The following WDPCP variants were observed in gnomAD, a reference collection of about 807,000 sequenced individuals.
The protein encoded by WDPCP is WD repeat-containing and planar cell polarity effector protein fritz homolog.
WDPCP carries 71 observed loss-of-function variants against 93.1 expected under a neutral mutation model. That is an observed-to-expected ratio of 0.76 (90% confidence interval 0.63 to 0.93). The LOEUF (loss-of-function observed/expected upper bound fraction) is 0.93. WDPCP is among the 40% of genes least tolerant of loss of function. WDPCP has a pLI of 0.00. For synonymous variants in WDPCP, 315 were observed against 315.0 expected (o/e 1.00, Z 0.00); for missense variants, 844 against 887.4 (o/e 0.95, Z 0.62).
chr2:63,264,143 A>G (rs1306460743), intron 13 of WDPCP, among the ~76,000 whole-genome samples: 2 of 152,362 alleles, frequency 1.3e-5, no homozygotes, highest in East Asian at 1.9e-4. Flanking sequence ...TATCATGGTT[A>G]TAACAGACTA....
At chr2:63,782,644 T>A (rs532973368) in intron 2 of WDPCP, among the ~76,000 whole-genome samples, 15 of 152,090 alleles carry the variant, frequency 9.9e-5, no homozygotes, top group Non-Finnish European at 1.9e-4. Flanking sequence ...AATTTTAAAA[T>A]TCTATTATAT....
intron 14 of WDPCP, among the ~76,000 whole-genome samples, chr2:63,212,863 A>G (rs1676954300): frequency 6.6e-6 from 1 of 152,168 alleles, no homozygotes; most frequent in Admixed American, 6.6e-5. Flanking sequence ...GCAAAGATCA[A>G]AAGAGACAAA....
intron 13 of WDPCP, among the ~76,000 whole-genome samples, chr2:63,271,020 G>T: frequency 6.6e-6 from 1 of 152,212 alleles, no homozygotes; most frequent in South Asian, 2.1e-4. Context: ...CCCAACATCA[G>T]CCCAGAGGGC....
At chr2:63,495,088 A>G (rs1026557133) in intron 1 of WDPCP, among the ~76,000 whole-genome samples, 4 of 152,120 alleles carry the variant, frequency 2.6e-5, no homozygotes, top group African/African-American at 9.7e-5. Flanking sequence ...ATGCCTTTAA[A>G]GCTAAGAGAT....
chr2:63,139,142 T>G (rs142952917), intron 17 of WDPCP, among the ~76,000 whole-genome samples: 1 of 142,968 alleles, frequency 7.0e-6, no homozygotes, highest in East Asian at 2.1e-4. Flanking sequence ...CATGTATGTG[T>G]GTGTATATGT....
chr2:63,517,433 G>T (rs186468276), intron 1 of WDPCP, among the ~76,000 whole-genome samples: 171 of 152,066 alleles, frequency 1.1e-3, no homozygotes, highest in African/African-American at 4.0e-3. Context: ...GACAAATTGG[G>T]GTGAAATTAT....
intron 2 of WDPCP, among the ~76,000 whole-genome samples, chr2:63,651,255 T>C (rs1458562258): frequency 6.6e-6 from 1 of 152,168 alleles, no homozygotes; most frequent in African/African-American, 2.4e-5. Flanking sequence ...GTCTGTCCTT[T>C]AACAAGTATG....
chr2:63,790,604 T>G (rs1340826414), intron 2 of WDPCP, among the ~76,000 whole-genome samples: 1 of 152,042 alleles, frequency 6.6e-6, no homozygotes, highest in Non-Finnish European at 1.5e-5. Context: ...TAATAGACAG[T>G]AGGATAAGTT....
intron 1 of WDPCP, among the ~76,000 whole-genome samples, chr2:63,822,398 T>C (rs1671037706): frequency 6.6e-6 from 1 of 152,206 alleles, no homozygotes; most frequent in African/African-American, 2.4e-5. Context: ...AATTAGAGTT[T>C]GTAGAATTTT....
chr2:63,476,570 G>C (rs1338620261), intron 6 of WDPCP, among the ~76,000 whole-genome samples: 1 of 152,096 alleles, frequency 6.6e-6, no homozygotes, highest in Non-Finnish European at 1.5e-5. Flanking sequence ...TAGTGTCCTA[G>C]TGATTTCATG....
chr2:63,777,997 T>C (rs535122316), intron 2 of WDPCP, among the ~76,000 whole-genome samples: 68 of 152,310 alleles, frequency 4.5e-4, no homozygotes, highest in Admixed American at 3.3e-3. Context: ...TTGAGAGCCA[T>C]TGGACTTTGG....
chr2:63,325,572 G>T (rs1687468942), intron 12 of WDPCP, among the ~76,000 whole-genome samples: 1 of 152,130 alleles, frequency 6.6e-6, no homozygotes, highest in African/African-American at 2.4e-5. Context: ...CTGTCCTCAA[G>T]GTCCGTTACC....
upstream of WDPCP, among the ~76,000 whole-genome samples, chr2:63,831,579 C>T (rs10210482): frequency 0.98 from 148,550 of 152,258 alleles, 72,487 homozygotes; most frequent in East Asian, 1. Flanking sequence ...AATGCCCATA[C>T]TAGTGATATT....
intron 12 of WDPCP, among the ~76,000 whole-genome samples, chr2:63,362,282 TGTGTG>T: frequency 2.7e-5 from 2 of 74,214 alleles, no homozygotes; most frequent in African/African-American, 1.4e-4. Flanking sequence ...TTTGGTTGTG[TGTGTG>T]TGTGTGTGTG....
chr2:63,729,663 A>G (rs1468250552), intron 2 of WDPCP, among the ~76,000 whole-genome samples: 1 of 152,118 alleles, frequency 6.6e-6, no homozygotes, highest in Admixed American at 6.5e-5. Flanking sequence ...GCACAACTCA[A>G]TTTTCTATTT....
intron 1 of WDPCP, among the ~76,000 whole-genome samples, chr2:63,510,517 G>A (rs761761107): frequency 5.3e-5 from 8 of 152,070 alleles, no homozygotes; most frequent in African/African-American, 1.9e-4. Context: ...TTTGAAAACC[G>A]GCACAAGACA....
chr2:63,409,206 A>AC (rs1694834581), intron 9 of WDPCP, among the ~76,000 whole-genome samples: 1 of 152,194 alleles, frequency 6.6e-6, no homozygotes, highest in African/African-American at 2.4e-5. Flanking sequence ...AGACCCACAG[A>AC]TGGTTCACAT....
intron 3 of WDPCP, among the ~76,000 whole-genome samples, chr2:63,621,704 A>G (rs1709739596): frequency 6.6e-6 from 1 of 152,136 alleles, no homozygotes; most frequent in Non-Finnish European, 1.5e-5. Flanking sequence ...AAAAGGAGCA[A>G]CCCCAAGACA....
At chr2:63,517,204 T>A (rs181670398) in intron 1 of WDPCP, among the ~76,000 whole-genome samples, 1 of 152,106 alleles carries the variant, frequency 6.6e-6, no homozygotes, top group African/African-American at 2.4e-5. Flanking sequence ...GTACCTATAA[T>A]CCATTTCCTA....
Sources: allele counts gnomAD v4.1 joint callset (sites outside exome capture counted in the v4.1 genomes callset), GRCh38; gene constraint gnomAD v4.1.1; transcripts MANE v1.5; gene names NCBI Gene and HGNC (gene_info 2026-07-23, HGNC 2026-07-21).